ZNF618: variants seen among roughly 807,000 people sequenced by gnomAD.
ZNF618 encodes zinc finger protein 618, also known as neural precursor cell expressed, developmentally down-regulated 10.
A neutral mutation model predicts 103.0 loss-of-function variants in ZNF618; 34 were observed. The observed-to-expected ratio is 0.33, with a 90% CI of 0.25 to 0.44. The LOEUF (loss-of-function observed/expected upper bound fraction) is 0.44. Among genes scored for constraint, ZNF618 ranks in the 20% least tolerant of loss-of-function variants. ZNF618 has a pLI of 1.00. For missense variants in ZNF618, 1,059 were observed against 1,295.4 expected (o/e 0.82, Z 2.80); for synonymous variants, 551 against 542.2 (o/e 1.02, Z -0.23).
intron 10 of ZNF618, among the ~76,000 whole-genome samples, chr9:114,021,417 G>T (rs187092258): frequency 4.2e-4 from 64 of 152,082 alleles, no homozygotes; most frequent in African/African-American, 1.4e-3. Flanking sequence ...AAATTCTTCA[G>T]GATTTTACTT....
chr9:113,953,528 A>G (rs937942620), intron 1 of ZNF618, among the ~76,000 whole-genome samples: 1 of 152,232 alleles, frequency 6.6e-6, no homozygotes, highest in Admixed American at 6.5e-5. Context: ...TGTAAACTTT[A>G]TGTAAAGTTA....
At chr9:113,892,332 T>C (rs1045081645) in intron 1 of ZNF618, among the ~76,000 whole-genome samples, 4 of 152,178 alleles carry the variant, frequency 2.6e-5, no homozygotes, top group African/African-American at 9.7e-5. Flanking sequence ...ACAATGTAAA[T>C]GCTGTGTGAG....
chr9:113,999,500 G>A (rs990054353), intron 4 of ZNF618, among the ~76,000 whole-genome samples: 1 of 152,204 alleles, frequency 6.6e-6, no homozygotes, highest in African/African-American at 2.4e-5. Context: ...GGGGTCAGGA[G>A]CCAGCCGAGG....
chr9:113,990,020 G>A (rs1319330126), intron 3 of ZNF618, among the ~76,000 whole-genome samples: 3 of 152,178 alleles, frequency 2.0e-5, no homozygotes, highest in Non-Finnish European at 4.4e-5. Context: ...GAACCTTCTA[G>A]CCCCATTTCT....
chr9:114,018,515 G>C (rs935438484), intron 10 of ZNF618, among the ~76,000 whole-genome samples: 1 of 152,208 alleles, frequency 6.6e-6, no homozygotes, highest in Non-Finnish European at 1.5e-5. Context: ...GTGCTTCCTG[G>C]GACAAGTTGA....
chr9:114,025,291 G>A (rs1009328250), intron 10 of ZNF618, among the ~76,000 whole-genome samples: 2 of 152,166 alleles, frequency 1.3e-5, no homozygotes, highest in African/African-American at 2.4e-5. Flanking sequence ...CCTCTACCTC[G>A]TGGAAGTTTC....
chr9:114,050,765 A>AT lies in ZNF618; in HGVS notation c.*598_*599insT, dbSNP rs1846083745. ...TCCTACCCTCCTGATCCCATTGTGCACCCCCCCACACACTCGGCTGCTCTG... is the reference window on the plus strand; with the variant it reads ...TCCTACCCTCCTGATCCCATTGTGCATCCCCCCCACACACTCGGCTGCTCTG... On this transcript the variant is annotated 3_prime_UTR_variant, in exon 15 of 15. Transcript: ENST00000374126. 6.6e-6 allele frequency: 1 copy of AT among 151,010 alleles called. No homozygotes were observed. The highest frequency in any genetic ancestry group is 1.5e-5 in the Non-Finnish European group (1 of 67,920). 9.4% of individuals were successfully genotyped at this position (151,010 alleles called of 1,614,324 possible).
intron 3 of ZNF618, among the ~76,000 whole-genome samples, chr9:113,990,791 G>T (rs1450979062): frequency 1.3e-5 from 2 of 152,202 alleles, no homozygotes; most frequent in Non-Finnish European, 2.9e-5. Flanking sequence ...CAGAATAGGG[G>T]TGAACCAGGA....
chr9:114,000,151 C>T (rs981162178), intron 4 of ZNF618, among the ~76,000 whole-genome samples: 2 of 152,324 alleles, frequency 1.3e-5, no homozygotes, highest in African/African-American at 4.8e-5. Flanking sequence ...GTTAGGATGA[C>T]AGCGGCCCTT....
intron 1 of ZNF618, among the ~76,000 whole-genome samples, chr9:113,966,922 C>G (rs1837456467): frequency 6.6e-6 from 1 of 152,186 alleles, no homozygotes; most frequent in South Asian, 2.1e-4. Context: ...GAAATGCATG[C>G]AGCTACCAGT....
chr9:114,002,703 G>A (rs779550764), intron 6 of ZNF618, 41 bp downstream of exon 6: 2 of 1,604,520 alleles, frequency 1.2e-6, no homozygotes, highest in East Asian at 4.5e-5. Context: ...GAGGGGCGAG[G>A]GCTTGGGGTG....
chr9:113,876,737 G>A (rs1248065138), intron 1 of ZNF618, among the ~76,000 whole-genome samples: 3 of 151,932 alleles, frequency 2.0e-5, no homozygotes, highest in Non-Finnish European at 4.4e-5. Context: ...TTCACATTTT[G>A]CAAAAATGCA....
chr9:113,984,691 C>G (rs371325504), intron 2 of ZNF618, among the ~76,000 whole-genome samples: 188 of 152,280 alleles, frequency 1.2e-3, no homozygotes, highest in Non-Finnish European at 2.3e-3. Flanking sequence ...AGTTCTGGGC[C>G]GGGGGCCCCA....
At chr9:113,970,811 G>A (rs1200567584) in intron 2 of ZNF618, among the ~76,000 whole-genome samples, 2 of 150,804 alleles carry the variant, frequency 1.3e-5, no homozygotes, top group East Asian at 2.0e-4. Flanking sequence ...TTCATTATTC[G>A]TTATTTCATT....
chr9:114,054,969 C>T lies in ZNF618; in HGVS notation c.*4802C>T, dbSNP rs967642082. On this transcript the variant is annotated 3_prime_UTR_variant, in exon 15 of 15. Coordinates refer to ENST00000374126, the MANE Select transcript of ZNF618 (RefSeq NM_001318042.2). ...CCCCCCGCCCACCCACCACGGGTGT[C>T]GCTTTAAAGAGTCAATTCTTGTACA... 3 of 140,030 alleles carry T rather than the reference C, an allele frequency of 2.1e-5. No individual in the cohort carries two copies. Among genetic ancestry groups the T allele is most frequent in the Admixed American group, 1.5e-4 (2 of 13,610 alleles). The allele number at this position is 140,030 out of a possible 1,614,324, so 8.7% of individuals were successfully genotyped here.
At chr9:113,903,980 A>G (rs760789596) in intron 1 of ZNF618, among the ~76,000 whole-genome samples, 1 of 146,618 alleles carries the variant, frequency 6.8e-6, no homozygotes, top group East Asian at 2.0e-4. Context: ...TTCTTCAAAT[A>G]TCTTTCTCTT....
chr9:113,986,900 T>C (rs1839539924), intron 2 of ZNF618, among the ~76,000 whole-genome samples: 1 of 152,190 alleles, frequency 6.6e-6, no homozygotes, highest in Non-Finnish European at 1.5e-5. Flanking sequence ...TAAACAGGGC[T>C]GTTGAAACCC....
In ZNF618 at chr9:113,911,470, A is replaced by AT. The variant is rs1298594290; in HGVS notation, c.33+35057_33+35058insT. Among the ~76,000 whole-genome samples the AT allele has an allele frequency of 1.3e-4, 20 of 152,122 alleles. 1 individual carries two copies. The highest frequency in any genetic ancestry group is 4.8e-4 in the African/African-American group (20 of 41,506). On this transcript the variant is annotated intron_variant, in intron 1 of 14. Transcript: ENST00000374126. Reference sequence around the variant, plus strand: ...TAGCCTCCCGAGTAGCTGGGATTACAGGCACCTGCCACGATGCCCAGCTGA... The same window carrying AT: ...TAGCCTCCCGAGTAGCTGGGATTACATGGCACCTGCCACGATGCCCAGCTGA...
intron 1 of ZNF618, among the ~76,000 whole-genome samples, chr9:113,896,201 G>A (rs1239962180): frequency 6.6e-6 from 1 of 151,860 alleles, no homozygotes; most frequent in East Asian, 1.9e-4. Flanking sequence ...TTTATGGTAA[G>A]TAAGCCCACC....
Sources: allele counts gnomAD v4.1 joint callset (sites outside exome capture counted in the v4.1 genomes callset), GRCh38; gene constraint gnomAD v4.1.1; transcripts MANE v1.5; gene names NCBI Gene and HGNC (gene_info 2026-07-23, HGNC 2026-07-21).